The following PLXNA3 variants were observed in gnomAD, a reference collection of about 807,000 sequenced individuals.
PLXNA3 encodes the protein plexin-A3.
Under a neutral mutation model 118.8 loss-of-function variants are expected in PLXNA3, and 52 were observed. The observed-to-expected ratio is 0.44, with a 90% CI of 0.35 to 0.55. The LOEUF (loss-of-function observed/expected upper bound fraction) is 0.55, where lower values mean the gene tolerates loss of function less well. PLXNA3 is among the 20% of genes least tolerant of loss of function. PLXNA3 has a pLI of 0.01. For synonymous variants in PLXNA3, 925 were observed against 762.4 expected, an observed-to-expected ratio of 1.21 and a Z score of -3.51; for missense variants, 1,660 against 1,730.8, an observed-to-expected ratio of 0.96 and a Z score of 0.73.
chrX:154,469,225 C>T lies in PLXNA3; in HGVS notation c.4594+10C>T. 1 of 1,202,422 alleles carries T rather than the reference C, an allele frequency of 8.3e-7. No homozygotes were observed. The highest frequency in any genetic ancestry group is 2.2e-5 in the Admixed American group (1 of 46,003). Reference sequence around the variant, plus strand: ...GAGGACATGGACCTGGGTGAGGTCCCCACCCTCTCCTCCTGGCTCCCACTC... The same window carrying T: ...GAGGACATGGACCTGGGTGAGGTCCTCACCCTCTCCTCCTGGCTCCCACTC... On this transcript the variant is annotated intron_variant, in intron 26 of 32. Transcript: ENST00000369682.
rs376499905 is a variant in PLXNA3 at position 154,461,584 on chromosome X, G to C, written c.1080G>C (p.Glu360Asp). The change falls in exon 3 of 33, where the codon GAG (glutamate) becomes GAC (aspartate). Residue 360 changes from glutamate (E) to aspartate (D), a missense_variant. Around this residue, in one of 2 missense-constraint regions of PLXNA3, gnomAD observed 791 missense variants for 652.1 expected, o/e 1.21. Transcript: ENST00000369682. ...RRRIQSCYRG[E>D]GTLALPWLLN... ...GCATCCAGTCCTGCTATCGTGGGGA[G>C]GGCACTCTGGCTCTGCCCTGGCTGC... is the stretch of plus-strand genomic sequence containing the variant. The C allele has an allele frequency of 3.3e-6, 4 of 1,204,074 alleles. No homozygotes were observed. In the African/African-American group the frequency reaches 6.9e-5, roughly 21 times the overall value.
In PLXNA3 at chrX:154,475,990, G is replaced by T. The variant is rs1267113088; in HGVS notation, c.*3305G>T. Reference sequence around the variant, plus strand: ...TCAGGACCAGCCTGGGCAACAAAGCGAGATCCCCTCTCTACAAAAAATAAA... The same window carrying T: ...TCAGGACCAGCCTGGGCAACAAAGCTAGATCCCCTCTCTACAAAAAATAAA... On this transcript the variant is annotated 3_prime_UTR_variant, in exon 33 of 33. Coordinates refer to ENST00000369682, the MANE Select transcript of PLXNA3 (RefSeq NM_017514.5). The T allele has an allele frequency of 9.0e-6, 1 of 110,503 alleles. No individual in the cohort carries two copies. Among genetic ancestry groups the T allele is most frequent in the Non-Finnish European group, 1.9e-5 (1 of 52,756 alleles). The allele number at this position is 110,503 out of a possible 1,213,427, so 9.1% of individuals were successfully genotyped here.
chrX:154,471,427 T>A (rs1200733813), intron 31 of PLXNA3, 61 bp from the exon 32 acceptor site: 1 of 1,161,375 alleles, frequency 8.6e-7, no homozygotes, highest in East Asian at 3.0e-5. Flanking sequence ...GGCTGGGCAG[T>A]GAGGGCAGGG....
At position 154,472,816 on chromosome X, in the gene PLXNA3, A is replaced by G; in HGVS notation, c.*131A>G. 4.1e-6 allele frequency: 2 copies of G among 490,176 alleles called. No individual in the cohort carries two copies. Among genetic ancestry groups the G allele is most frequent in the South Asian group, 6.0e-5 (2 of 33,391 alleles). 40.4% of individuals were successfully genotyped at this position (490,176 alleles called of 1,213,427 possible). On this transcript the variant is annotated 3_prime_UTR_variant, in exon 33 of 33. Coordinates refer to ENST00000369682, the MANE Select transcript of PLXNA3 (RefSeq NM_017514.5). ...TATCGTGGGGCAGGTCACCCTGGCCACGATGCCCCCGGCACACCCAGGCCC... is the reference window on the plus strand; with the variant it reads ...TATCGTGGGGCAGGTCACCCTGGCCGCGATGCCCCCGGCACACCCAGGCCC...
rs782389871 is a variant in PLXNA3, at chrX:154,469,043, G to A, written c.4435-13G>A. ...TCGCCCCAGACTGACACTGGAGTCC[G>A]CTTTCCCCTCAGACCCTTCACTGCG... On this transcript the variant is annotated splice_polypyrimidine_tract_variant and intron_variant, in intron 25 of 32. Transcript: ENST00000369682. 4.5e-5 allele frequency: 54 copies of A among 1,209,488 alleles called. No homozygotes were observed. The highest frequency in any genetic ancestry group is 1.5e-4 in the East Asian group (5 of 33,782).
rs192776944 is a variant in PLXNA3 at position 154,469,766 on chromosome X, C to T, written c.4777C>T (p.Arg1593Cys). ...CATGGCCAACTCCTTCACCTTCACC[C>T]GCTCCCTCAGCCGCTACGGTAGGTG... Reference protein sequence around the residue: ...YNMANSFTFTRSLSRYESLLR... With the variant: ...YNMANSFTFTCSLSRYESLLR... The change falls in exon 28 of 33, where the codon CGC becomes TGC. Residue 1593 changes from arginine to cysteine, a missense_variant. Around this residue, in one of 2 missense-constraint regions of PLXNA3, gnomAD observed 869 missense variants for 1,078.7 expected, o/e 0.81. Transcript: ENST00000369682. The T allele has an allele frequency of 9.9e-6, 12 of 1,207,990 alleles. No individual in the cohort carries two copies. The highest frequency in any genetic ancestry group is 6.9e-5 in the African/African-American group (4 of 57,585).
chrX:154,461,206 C>G lies in PLXNA3; in HGVS notation c.702C>G (p.Ser234=). The change falls in exon 3 of 33, where the codon TCC becomes TCG. Residue 234 remains serine, a synonymous_variant. Coordinates refer to ENST00000369682, the MANE Select transcript of PLXNA3 (RefSeq NM_017514.5). ...IYYIYGFVSA[S]FVYFLTLQLD... ...ACATCTACGGCTTCGTCAGCGCCTC[C>G]TTCGTGTACTTCCTGACGCTGCAGC... 8.2e-7 allele frequency: 1 copy of G among 1,212,484 alleles called. No individual in the cohort carries two copies.
chrX:154,463,295 G>C, intron 4 of PLXNA3, 96 bp from the exon 5 acceptor site: 8 of 1,150,011 alleles, frequency 7.0e-6, no homozygotes, highest in Non-Finnish European at 9.5e-6. Flanking sequence ...AGGTCCTGAC[G>C]TCAGCTCAGC....
Position 154,460,463 on chromosome X carries a change from GACA to G in PLXNA3, c.284_286del (p.Asn95del). 3 of 1,205,952 alleles carry G rather than the reference GACA, an allele frequency of 2.5e-6. No individual in the cohort carries two copies. The highest frequency in any genetic ancestry group is 3.4e-6 in the Non-Finnish European group (3 of 891,806). ...GTGTGCCCACCGCCTGGCCCCCGTG[GACA>G]ACATCAACAAGCTGCTGCTCATAGA... On this transcript the variant is annotated inframe_deletion, in exon 2 of 33. Coordinates refer to ENST00000369682, the MANE Select transcript of PLXNA3 (RefSeq NM_017514.5).
rs200139553 is a variant in PLXNA3 at position 154,460,799 on chromosome X, T to C, written c.594+22T>C. ...TCTCGTGCGTGAGCCTTCCTTCTCT[T>C]CTTCCTCCACCCAGTCCTGGCTCTG... On this transcript the variant is annotated intron_variant, in intron 2 of 32. Coordinates refer to ENST00000369682, the MANE Select transcript of PLXNA3 (RefSeq NM_017514.5). The C allele has an allele frequency of 3.9e-6, 4 of 1,036,957 alleles. No individual in the cohort carries two copies. In the East Asian group the frequency reaches 1.2e-4, roughly 32 times the overall value. 85.5% of individuals were successfully genotyped at this position (1,036,957 alleles called of 1,213,427 possible).
At position 154,468,339 on chromosome X, in the gene PLXNA3, G is replaced by A. The variant is rs1557208176; in HGVS notation, c.4000G>A (p.Gly1334Arg). The A allele has an allele frequency of 4.1e-6, 5 of 1,208,177 alleles. No individual in the cohort carries two copies. Among genetic ancestry groups the A allele is most frequent in the South Asian group, 1.8e-5 (1 of 56,910 alleles). ...PNVEKALRLF[G>R]QLLHSRAFVL... ...CGTGGAGAAGGCCCTGCGCCTCTTC[G>A]GGCAGCTGCTGCACAGCCGCGCGTT... The change falls in exon 23 of 33, where the codon GGG becomes AGG. Residue 1334 changes from glycine (G) to arginine (R), a missense_variant. By Grantham distance (125) the Gly-to-Arg change is moderately radical. Transcript: ENST00000369682.
rs782255132 is a variant in PLXNA3 at position 154,462,199 on chromosome X, G to A, written c.1206G>A (p.Glu402=). ...NQPLGGLHVI[E]GLPLLADSTD... ...CTCTGGGAGGCCTGCATGTGATCGA[G>A]GGGCTGCCCCTGCTGGCCGACAGCA... Residue 402 remains glutamate (E), a synonymous_variant, in exon 4 of 33, where the codon GAG becomes GAA. Coordinates refer to ENST00000369682, the MANE Select transcript of PLXNA3 (RefSeq NM_017514.5). The A allele has an allele frequency of 3.1e-5, 37 of 1,203,689 alleles. No individual in the cohort carries two copies. Among genetic ancestry groups the A allele is most frequent in the Non-Finnish European group, 4.1e-5 (37 of 891,735 alleles).
rs139434525 is a variant in PLXNA3 at position 154,464,163 on chromosome X, G to A, written c.1678G>A (p.Val560Ile). The change falls in exon 8 of 33, where the codon GTC (valine) becomes ATC (isoleucine). Residue 560 changes from valine to isoleucine, a missense_variant. Physicochemically the swap from Val to Ile is conservative, Grantham distance 29. This residue lies in a region of PLXNA3 where 791 missense variants were observed against 652.1 expected (regional missense o/e 1.21). Transcript: ENST00000369682. ...SVTSPGVQLTVTLHNVPDLSA... is the reference protein window; with the variant it reads ...SVTSPGVQLTITLHNVPDLSA... Reference sequence around the variant, plus strand: ...AGCCCTCTGCTTCCCCCAGCTGACCGTCACCCTGCACAACGTGCCAGACCT... The same window carrying A: ...AGCCCTCTGCTTCCCCCAGCTGACCATCACCCTGCACAACGTGCCAGACCT... The A allele has an allele frequency of 5.5e-5, 67 of 1,207,765 alleles. No homozygotes were observed. Among genetic ancestry groups the A allele is most frequent in the African/African-American group, 3.3e-4 (19 of 57,707 alleles).
Position 154,477,708 on chromosome X carries a change from C to G in PLXNA3, c.*5023C>G, listed in dbSNP as rs1027752968. ...AATATCTGAATTCTAGAACCCCCCC[C>G]CCAGCAACCCAAGCACAACAAGAAT... On this transcript the variant is annotated 3_prime_UTR_variant, in exon 33 of 33. Coordinates refer to ENST00000369682, the MANE Select transcript of PLXNA3 (RefSeq NM_017514.5). 4,628 of 312,673 alleles carry G rather than the reference C, an allele frequency of 0.015. 230 individuals carry two copies. The highest frequency in any genetic ancestry group is 0.12 in the African/African-American group (4,252 of 34,457). 25.8% of individuals were successfully genotyped at this position (312,673 alleles called of 1,213,427 possible).
Position 154,472,887 on chromosome X carries a change from AG to A in PLXNA3, c.*205del. On this transcript the variant is annotated 3_prime_UTR_variant, in exon 33 of 33. Coordinates refer to ENST00000369682, the MANE Select transcript of PLXNA3 (RefSeq NM_017514.5). Reference sequence around the variant, plus strand: ...TGGGCCCTGCAGGGGGAGGGGTGACAGGGCGAGCCCCCACCCCAGCAGCAGC... The same window carrying A: ...TGGGCCCTGCAGGGGGAGGGGTGACAGGCGAGCCCCCACCCCAGCAGCAGC... 2.5e-6 allele frequency: 1 copy of A among 401,607 alleles called. No individual in the cohort carries two copies. The highest frequency in any genetic ancestry group is 4.0e-5 in the South Asian group (1 of 25,056). The allele number at this position is 401,607 out of a possible 1,213,427, so 33.1% of individuals were successfully genotyped here.
At position 154,467,248 on chromosome X, in the gene PLXNA3, A is replaced by G; in HGVS notation, c.3218A>G (p.Asn1073Ser). The G allele has an allele frequency of 2.5e-6, 3 of 1,210,302 alleles. No homozygotes were observed. Among genetic ancestry groups the G allele is most frequent in the East Asian group, 3.0e-5 (1 of 33,843 alleles). The change falls in exon 19 of 33, where the codon AAC becomes AGC. Residue 1073 changes from asparagine to serine, a missense_variant. Transcript: ENST00000369682. ...TCCCCACAGACATGCCAAGTGATCAACGACACTGCCATGCTGTGTAAGGCC... is the reference window on the plus strand; with the variant it reads ...TCCCCACAGACATGCCAAGTGATCAGCGACACTGCCATGCTGTGTAAGGCC... ...IETTNTCQVI[N>S]DTAMLCKAPG... is the part of the protein sequence containing the mutation.
chrX:154,471,649 T>A lies in PLXNA3; in HGVS notation c.5520+11T>A. 1 of 1,195,195 alleles carries A rather than the reference T, an allele frequency of 8.4e-7. No individual in the cohort carries two copies. Among genetic ancestry groups the A allele is most frequent in the Non-Finnish European group, 1.1e-6 (1 of 883,382 alleles). ...AAGTACCGCCAGGAGGTGTGTGTCA[T>A]CCCCACAGACTCCCAGTTACTTGGT... On this transcript the variant is annotated intron_variant, in intron 32 of 32. Coordinates refer to ENST00000369682, the MANE Select transcript of PLXNA3 (RefSeq NM_017514.5).
intron 30 of PLXNA3, 113 bp from the exon 31 acceptor site, chrX:154,470,990 TCA>T: frequency 1.7e-6 from 1 of 572,656 alleles, no homozygotes; most frequent in South Asian, 2.7e-5. Flanking sequence ...TGTGTTGCTC[TCA>T]CCACCTCTGG....
intron 1 of PLXNA3, among the ~76,000 whole-genome samples, chrX:154,459,538 C>T (rs781816932): frequency 9.2e-4 from 104 of 112,539 alleles, no homozygotes; most frequent in African/African-American, 3.0e-3. Context: ...TGTCTGGGTG[C>T]GTGGCTGAGG....
Sources: allele counts gnomAD v4.1 joint callset (sites outside exome capture counted in the v4.1 genomes callset), GRCh38; gene constraint gnomAD v4.1.1; regional missense constraint gnomAD v4.1.1; transcripts MANE v1.5; gene names NCBI Gene and HGNC (gene_info 2026-07-23, HGNC 2026-07-21).